The following CNIH3 variants were observed in gnomAD, a reference collection of about 807,000 sequenced individuals.
The protein encoded by CNIH3 is protein cornichon homolog 3.
CNIH3 carries 14 observed loss-of-function variants against 24.1 expected under a neutral mutation model. The observed-to-expected ratio is 0.58, with a 90% CI of 0.38 to 0.91. The LOEUF (loss-of-function observed/expected upper bound fraction) is 0.91. CNIH3 is among the 40% of genes least tolerant of loss of function. The probability of loss-of-function intolerance (pLI) is 0.00; values close to 1 mark genes in which losing one functional copy is unlikely to be tolerated. For synonymous variants in CNIH3, 68 were observed against 73.8 expected (o/e 0.92, Z 0.40); for missense variants, 178 against 196.8 (o/e 0.90, Z 0.57).
intron 3 of CNIH3, among the ~76,000 whole-genome samples, chr1:224,605,230 T>C (rs959553570): frequency 6.6e-6 from 1 of 152,228 alleles, no homozygotes; most frequent in Non-Finnish European, 1.5e-5. Flanking sequence ...CTTTAAATTG[T>C]CTTTGGCTTG....
At chr1:224,714,791 A>G (rs1688340687) in intron 3 of CNIH3, among the ~76,000 whole-genome samples, 1 of 152,200 alleles carries the variant, frequency 6.6e-6, no homozygotes, top group African/African-American at 2.4e-5. Context: ...GACCCATGAC[A>G]GCCACATCCC....
chr1:224,669,841 C>T (rs1054288091), intron 1 of CNIH3, among the ~76,000 whole-genome samples: 3 of 152,050 alleles, frequency 2.0e-5, no homozygotes, highest in Non-Finnish European at 2.9e-5. Context: ...AGCACCTTGC[C>T]CATAGTCACA....
At chr1:224,609,130 T>A (rs1031134700) in intron 3 of CNIH3, among the ~76,000 whole-genome samples, 1 of 152,172 alleles carries the variant, frequency 6.6e-6, no homozygotes, top group Non-Finnish European at 1.5e-5. Flanking sequence ...GGTCCTCTCC[T>A]GCCCTGCTCA....
rs1401295332 is a variant in CNIH3 at position 224,458,992 on chromosome 1, C to T, written n.203+24130C>T. On this transcript the variant is annotated intron_variant and non_coding_transcript_variant, in intron 1 of 5. Transcript: ENST00000471578. This position sits in a 1 kb window ranked among gnomAD's most constrained non-coding sequence, Gnocchi z 4.3. Reference sequence around the variant, plus strand: ...TATGTGGTCCTTGTACCCAGAGGCCCTGTTCAGCTCCAGTGATCAGCTCTC... The same window carrying T: ...TATGTGGTCCTTGTACCCAGAGGCCTTGTTCAGCTCCAGTGATCAGCTCTC... Among the ~76,000 whole-genome samples the T allele has an allele frequency of 1.3e-5, 2 of 152,210 alleles. No homozygotes were observed. Among genetic ancestry groups the T allele is most frequent in the Non-Finnish European group, 2.9e-5 (2 of 68,034 alleles).
chr1:224,576,522 TC>T (rs990165396), intron 4 of CNIH3, among the ~76,000 whole-genome samples: 6 of 152,204 alleles, frequency 3.9e-5, no homozygotes, highest in Non-Finnish European at 8.8e-5. Flanking sequence ...TCTACTTATT[TC>T]CCACTAAGGA....
chr1:224,489,159 AG>A (rs1677146657), intron 1 of CNIH3, among the ~76,000 whole-genome samples: 17 of 151,766 alleles, frequency 1.1e-4, no homozygotes, highest in Admixed American at 9.2e-4. Context: ...AATGGTAGGC[AG>A]TTAACTTGGC....
intron 1 of CNIH3, among the ~76,000 whole-genome samples, chr1:224,449,673 T>C (rs1224260887): frequency 6.6e-6 from 1 of 152,160 alleles, no homozygotes; most frequent in Non-Finnish European, 1.5e-5. Context: ...ATTTTCTTTA[T>C]AAAGCATGAA....
chr1:224,695,800 T>G (rs1687149558), intron 3 of CNIH3, among the ~76,000 whole-genome samples: 1 of 152,196 alleles, frequency 6.6e-6, no homozygotes, highest in Admixed American at 6.5e-5. Context: ...CTTACTGCAT[T>G]CATCGGCAGA....
chr1:224,576,449 C>G (rs1681040985), intron 4 of CNIH3, among the ~76,000 whole-genome samples: 1 of 152,112 alleles, frequency 6.6e-6, no homozygotes, highest in South Asian at 2.1e-4. Flanking sequence ...TGGAATTTAC[C>G]TACATATCTC....
intron 1 of CNIH3, among the ~76,000 whole-genome samples, chr1:224,462,415 C>A (rs1232012025): frequency 6.6e-6 from 1 of 152,180 alleles, no homozygotes; most frequent in Non-Finnish European, 1.5e-5. Context: ...GTCACCGCAA[C>A]TTCTGCCTCC....
At chr1:224,560,934 C>G (rs139901534) in intron 3 of CNIH3, among the ~76,000 whole-genome samples, 1,698 of 147,312 alleles carry the variant, frequency 0.012, 32 homozygotes, top group African/African-American at 0.039. Flanking sequence ...ATTCAGGTGT[C>G]TGTTGAATGT....
upstream of CNIH3, among the ~76,000 whole-genome samples, chr1:224,612,851 T>C (rs1682761528): frequency 6.6e-6 from 1 of 152,148 alleles, no homozygotes; most frequent in South Asian, 2.1e-4. This position sits in a 1 kb window ranked among gnomAD's most constrained non-coding sequence, Gnocchi z 4.7. Context: ...CACGAAATTT[T>C]ATACAGTACA....
downstream of CNIH3, among the ~76,000 whole-genome samples, chr1:224,590,316 G>C (rs967311995): frequency 1.3e-5 from 2 of 152,124 alleles, no homozygotes; most frequent in African/African-American, 4.8e-5. Context: ...GGTTCCTTTG[G>C]GTTGTTTTGC....
At chr1:224,585,559 G>C (rs779112728) in intron 5 of CNIH3, among the ~76,000 whole-genome samples, 14 of 151,638 alleles carry the variant, frequency 9.2e-5, no homozygotes, top group Non-Finnish European at 1.9e-4. Flanking sequence ...GGTCACTGCA[G>C]TCTTGAACTC....
intron 1 of CNIH3, among the ~76,000 whole-genome samples, chr1:224,456,447 G>C (rs1675657627): frequency 6.6e-6 from 1 of 152,136 alleles, no homozygotes; most frequent in Non-Finnish European, 1.5e-5. Flanking sequence ...GTCTCACTTT[G>C]TTGCCTGGGC....
upstream of CNIH3, chr1:224,616,293 C>G (rs1682972925): frequency 4.7e-6 from 1 of 211,938 alleles, no homozygotes; most frequent in Non-Finnish European, 8.7e-6. Context: ...GGAGGGAATC[C>G]CGGGTCGCAC....
At chr1:224,441,687 A>G (rs1200107363) in intron 1 of CNIH3, among the ~76,000 whole-genome samples, 1 of 152,228 alleles carries the variant, frequency 6.6e-6, no homozygotes, top group Non-Finnish European at 1.5e-5. Flanking sequence ...TAATGGACCA[A>G]TAACTAGGCA....
intron 1 of CNIH3, among the ~76,000 whole-genome samples, chr1:224,456,063 G>T (rs192976088): frequency 1.7e-4 from 26 of 152,322 alleles, no homozygotes; most frequent in Middle Eastern, 6.8e-3. Flanking sequence ...TATGGGATGT[G>T]CCAGTTTAGC....
At chr1:224,738,143 C>A (rs966360960) in intron 5 of CNIH3, among the ~76,000 whole-genome samples, 1 of 152,238 alleles carries the variant, frequency 6.6e-6, no homozygotes. Flanking sequence ...CTGGCACTCA[C>A]TGAATCCTCG....
Sources: gnomAD v4.1 joint callset for allele counts (sites outside exome capture counted in the v4.1 genomes callset) on GRCh38, gnomAD v4.1.1 for gene constraint, Gnocchi (gnomAD v3.1) non-coding constraint, MANE v1.5 for transcripts, NCBI Gene and HGNC (gene_info 2026-07-23, HGNC 2026-07-21) for gene names.